FTCDNL1: variants seen among roughly 807,000 people sequenced by gnomAD.
FTCDNL1 encodes formiminotransferase N-terminal subdomain-containing protein.
FTCDNL1 carries 11 observed loss-of-function variants against 5.9 expected under a neutral mutation model. The observed-to-expected ratio is 1.87, with a 90% CI of 1.18 to 3.10. The LOEUF is 3.10. Ranked by LOEUF, FTCDNL1 falls within the 30% of genes most tolerant of loss-of-function variation. FTCDNL1 has a pLI of 0.00. For missense variants in FTCDNL1, 115 were observed against 65.5 expected, an observed-to-expected ratio of 1.76 and a Z score of -2.61; for synonymous variants, 58 against 24.8, an observed-to-expected ratio of 2.34 and a Z score of -3.99.
At chr2:199,837,451 T>C (rs1359330931) in intron 3 of FTCDNL1, among the ~76,000 whole-genome samples, 3 of 152,220 alleles carry the variant, frequency 2.0e-5, no homozygotes, top group Non-Finnish European at 4.4e-5. Context: ...AATTGACTGA[T>C]CTCAACCAAA....
intron 3 of FTCDNL1, among the ~76,000 whole-genome samples, chr2:199,799,162 C>T (rs1028013078): frequency 6.6e-6 from 1 of 152,078 alleles, no homozygotes; most frequent in Admixed American, 6.5e-5. Context: ...ACAAAGGATG[C>T]CATTCATCAT....
the FTCDNL1 span, among the ~76,000 whole-genome samples, chr2:199,724,123 G>A: frequency 2.0e-5 from 3 of 152,190 alleles, no homozygotes; most frequent in Admixed American, 6.5e-5. Context: ...GAGGGCGTAT[G>A]TGTCCAGGAA....
chr2:199,707,552 G>C, the FTCDNL1 span, among the ~76,000 whole-genome samples: 1 of 150,342 alleles, frequency 6.7e-6, no homozygotes, highest in African/African-American at 2.4e-5. Context: ...TGATAATTTG[G>C]TTTTTCTCTC....
At chr2:199,697,359 A>G in the FTCDNL1 span, among the ~76,000 whole-genome samples, 9 of 152,182 alleles carry the variant, frequency 5.9e-5, no homozygotes, top group African/African-American at 2.2e-4. Context: ...CAAAAGAAAA[A>G]ATATTAAAGG....
At chr2:199,775,196 T>C (rs867411961) in intron 3 of FTCDNL1, among the ~76,000 whole-genome samples, 1 of 152,212 alleles carries the variant, frequency 6.6e-6, no homozygotes. Flanking sequence ...GTGATTAGAT[T>C]CTAAGCCTGC....
rs1205831336 is a variant in FTCDNL1 at position 199,812,553 on chromosome 2, T to C, written c.*152A>G. 16 of 451,906 alleles carry C rather than the reference T, an allele frequency of 3.5e-5. No homozygotes were observed. The highest frequency in any genetic ancestry group is 3.9e-6 in the Non-Finnish European group (1 of 255,608). 28.0% of individuals were successfully genotyped at this position (451,906 alleles called of 1,614,324 possible). ...TAATTAAAGTAATTCCACTTTTTGCTCTAAAATTAGAAACCTGATGTGAAA... is the reference window on the plus strand; with the variant it reads ...TAATTAAAGTAATTCCACTTTTTGCCCTAAAATTAGAAACCTGATGTGAAA... On this transcript the variant is annotated 3_prime_UTR_variant, in exon 5 of 5. Transcript: ENST00000420128.
At chr2:199,695,754 AG>A in the FTCDNL1 span, among the ~76,000 whole-genome samples, 1 of 152,312 alleles carries the variant, frequency 6.6e-6, no homozygotes, top group South Asian at 2.1e-4. Flanking sequence ...GAGAGTTGAC[AG>A]GAACAAGACT....
chr2:199,715,561 ACTT>A, the FTCDNL1 span, among the ~76,000 whole-genome samples: 2 of 152,118 alleles, frequency 1.3e-5, no homozygotes, highest in East Asian at 3.9e-4. Flanking sequence ...AGTCCATCAA[ACTT>A]CTTTTTCTTT....
the FTCDNL1 span, among the ~76,000 whole-genome samples, chr2:199,702,118 C>A: frequency 1.3e-5 from 2 of 152,018 alleles, no homozygotes; most frequent in African/African-American, 4.8e-5. Context: ...AAGGGAACAA[C>A]AGACACCGGG....
chr2:199,769,897 C>A (rs990941601), intron 3 of FTCDNL1, among the ~76,000 whole-genome samples: 1 of 152,182 alleles, frequency 6.6e-6, no homozygotes, highest in African/African-American at 2.4e-5. Flanking sequence ...AGGAACCTGA[C>A]TGATTCAGCC....
At chr2:199,740,566 C>G in the FTCDNL1 span, among the ~76,000 whole-genome samples, 22 of 152,310 alleles carry the variant, frequency 1.4e-4, no homozygotes, top group East Asian at 4.3e-3. Context: ...CCTCCCTTCC[C>G]CAGCTTCGTG....
rs1701045163 is a variant in FTCDNL1, at chr2:199,811,670, C to A, written c.*1035G>T. ...TTGGGGCTTTCCCCATGACATGGGT[C>A]ATTCCATCCCTGTAGCCCTGGGACT... is the stretch of plus-strand genomic sequence containing the variant. On this transcript the variant is annotated 3_prime_UTR_variant, in exon 5 of 5. Coordinates refer to ENST00000420128, the MANE Select transcript of FTCDNL1 (RefSeq NM_001363886.2). Among the ~76,000 whole-genome samples the A allele has an allele frequency of 6.6e-6, 1 of 152,234 alleles. No individual in the cohort carries two copies. The highest frequency in any genetic ancestry group is 2.4e-5 in the African/African-American group (1 of 41,464).
At chr2:199,680,985 C>T in the FTCDNL1 span, among the ~76,000 whole-genome samples, 3 of 152,160 alleles carry the variant, frequency 2.0e-5, no homozygotes, top group Non-Finnish European at 4.4e-5. Flanking sequence ...TATAGAGGTA[C>T]AAGATCTGGA....
At chr2:199,679,471 T>C in the FTCDNL1 span, among the ~76,000 whole-genome samples, 1 of 152,134 alleles carries the variant, frequency 6.6e-6, no homozygotes, top group Admixed American at 6.5e-5. Flanking sequence ...TTACTTCAAT[T>C]CTTATATCTG....
At chr2:199,779,038 A>C (rs1375501433) in intron 3 of FTCDNL1, among the ~76,000 whole-genome samples, 1 of 152,218 alleles carries the variant, frequency 6.6e-6, no homozygotes, top group Admixed American at 6.5e-5. Flanking sequence ...TCGGTCTTAA[A>C]ATGTACCTCT....
the FTCDNL1 span, among the ~76,000 whole-genome samples, chr2:199,695,834 A>G: frequency 6.6e-6 from 1 of 152,244 alleles, no homozygotes; most frequent in Non-Finnish European, 1.5e-5. Context: ...AGAGATGCCC[A>G]TCCCCAAGGA....
At chr2:199,763,444 G>A (rs1217582350) in intron 3 of FTCDNL1, among the ~76,000 whole-genome samples, 2 of 152,126 alleles carry the variant, frequency 1.3e-5, no homozygotes, top group Non-Finnish European at 2.9e-5. Context: ...TTTTTATGTA[G>A]CCCCCACCAC....
chr2:199,763,714 C>T (rs1698378581), intron 3 of FTCDNL1, among the ~76,000 whole-genome samples: 2 of 152,228 alleles, frequency 1.3e-5, no homozygotes, highest in Non-Finnish European at 2.9e-5. Flanking sequence ...TTTCTGGCAT[C>T]AGAGACTTTA....
rs967637396 is a variant in FTCDNL1, at chr2:199,810,787, A to G, written c.*1918T>C. ...GGGATTGATGAGGAATAAAGGACTG[A>G]CCTCATCTTCAGCATGTGATCATTC... On this transcript the variant is annotated 3_prime_UTR_variant, in exon 5 of 5. Transcript: ENST00000420128. Among the ~76,000 whole-genome samples, 47 of 152,190 alleles carry G rather than the reference A, an allele frequency of 3.1e-4. No homozygotes were observed. Among genetic ancestry groups the G allele is most frequent in the African/African-American group, 1.1e-3 (45 of 41,450 alleles).
Sources: gnomAD v4.1 joint callset for allele counts (sites outside exome capture counted in the v4.1 genomes callset) on GRCh38, gnomAD v4.1.1 for gene constraint, MANE v1.5 for transcripts, NCBI Gene and HGNC (gene_info 2026-07-23, HGNC 2026-07-21) for gene names.